KIRREL3: variants seen among roughly 807,000 people sequenced by gnomAD.
The protein encoded by KIRREL3 is kin of IRRE-like protein 3.
Under a neutral mutation model 89.7 loss-of-function variants are expected in KIRREL3, and 36 were observed. The observed-to-expected ratio is 0.40, with a 90% CI of 0.31 to 0.53. The LOEUF (loss-of-function observed/expected upper bound fraction) is 0.53, where lower values mean the gene tolerates loss of function less well. KIRREL3 is among the 20% of genes least tolerant of loss of function. The pLI is 0.49. For missense variants in KIRREL3, 864 were observed against 1,056.6 expected, an observed-to-expected ratio of 0.82 and a Z score of 2.53; for synonymous variants, 445 against 441.4, an observed-to-expected ratio of 1.01 and a Z score of -0.10.
At chr11:126,702,626 C>T (rs1268886809) in intron 1 of KIRREL3, among the ~76,000 whole-genome samples, 4 of 152,222 alleles carry the variant, frequency 2.6e-5, no homozygotes, top group Admixed American at 6.5e-5. Flanking sequence ...AAACACACAG[C>T]GGCTGCTGAA....
At chr11:126,941,757 G>A (rs1467168640) in intron 1 of KIRREL3, among the ~76,000 whole-genome samples, 1 of 152,206 alleles carries the variant, frequency 6.6e-6, no homozygotes, top group African/African-American at 2.4e-5. Flanking sequence ...CCCAAATCAG[G>A]GGCCGTGCCC....
rs190146568 is a variant in KIRREL3, at chr11:126,971,636, C to T, written c.55+28819G>A. 4.6e-5 allele frequency among the ~76,000 whole-genome samples: 7 copies of T among 152,216 alleles called. No homozygotes were observed. In the East Asian group the frequency reaches 5.8e-4, roughly 13 times the overall value. On this transcript the variant is annotated intron_variant, in intron 1 of 16. Transcript: ENST00000525144. ...CACAGAAATGAAAATATCATCAGTC[C>T]GATTCTTCACTTTGGGCCCTATGTA...
chr11:126,424,571 G>T lies in KIRREL3; in HGVS notation c.*9C>A. Reference sequence around the variant, plus strand: ...TCCCTGGCCCGTCCCCACCCGCGGTGTGTGATCCTTAGACGTGAGTCTGCA... The same window carrying T: ...TCCCTGGCCCGTCCCCACCCGCGGTTTGTGATCCTTAGACGTGAGTCTGCA... On this transcript the variant is annotated 3_prime_UTR_variant, in exon 17 of 17. Transcript: ENST00000525144. The T allele has an allele frequency of 1.2e-6, 2 of 1,613,002 alleles. No homozygotes were observed. Among genetic ancestry groups the T allele is most frequent in the South Asian group, 2.2e-5 (2 of 91,046 alleles).
rs1192765120 is a variant in KIRREL3 at position 126,558,803 on chromosome 11, G to A, written c.133+4032C>T. Reference sequence around the variant, plus strand: ...AAAGGGGGAGGGCCAGGAAGGGGAGGTGAAGGTTGTGTGCGTGTGTGCACA... The same window carrying A: ...AAAGGGGGAGGGCCAGGAAGGGGAGATGAAGGTTGTGTGCGTGTGTGCACA... On this transcript the variant is annotated intron_variant, in intron 2 of 16. Coordinates refer to ENST00000525144, the MANE Select transcript of KIRREL3 (RefSeq NM_032531.4). The surrounding 1 kb of genome is among the most constrained non-coding windows in gnomAD (Gnocchi z 4.0). 6.6e-6 allele frequency among the ~76,000 whole-genome samples: 1 copy of A among 151,790 alleles called. No individual in the cohort carries two copies. The highest frequency in any genetic ancestry group is 1.5e-5 in the Non-Finnish European group (1 of 67,876).
At chr11:126,509,895 G>C (rs771225666) in intron 4 of KIRREL3, among the ~76,000 whole-genome samples, 1 of 141,038 alleles carries the variant, frequency 7.1e-6, no homozygotes, top group Admixed American at 7.6e-5. Context: ...AGATTCGCAG[G>C]AGAATCACTT....
At chr11:126,746,504 A>G (rs1200370045) in intron 1 of KIRREL3, among the ~76,000 whole-genome samples, 2 of 152,098 alleles carry the variant, frequency 1.3e-5, no homozygotes, top group African/African-American at 4.8e-5. Flanking sequence ...CTTGCCAGAC[A>G]TCTCTACTAG....
intron 2 of KIRREL3, among the ~76,000 whole-genome samples, chr11:126,547,228 T>G (rs976100532): frequency 6.6e-6 from 1 of 152,238 alleles, no homozygotes; most frequent in African/African-American, 2.4e-5. Flanking sequence ...TGACACATGC[T>G]GCAGGAAAAA....
Position 126,795,936 on chromosome 11 carries a change from G to T in KIRREL3, c.55+204519C>A, listed in dbSNP as rs1950797188. ...AAGGCTCATGCAGGCATTGGGAAAA[G>T]CATGAATCAGAAATGAGAGTACATT... On this transcript the variant is annotated intron_variant, in intron 1 of 16. Transcript: ENST00000525144. This position sits in a 1 kb window ranked among gnomAD's most constrained non-coding sequence, Gnocchi z 4.1. Among the ~76,000 whole-genome samples, 1 of 152,062 alleles carries T rather than the reference G, an allele frequency of 6.6e-6. No individual in the cohort carries two copies. The highest frequency in any genetic ancestry group is 1.5e-5 in the Non-Finnish European group (1 of 68,018).
intron 1 of KIRREL3, among the ~76,000 whole-genome samples, chr11:126,657,838 TTTC>T (rs766660608): frequency 6.6e-6 from 1 of 152,186 alleles, no homozygotes; most frequent in Admixed American, 6.5e-5. Flanking sequence ...TCCCCTTAGT[TTTC>T]AGAGAAATTC....
intron 1 of KIRREL3, chr11:126,935,685 A>G (rs939050577): frequency 1.8e-4 from 28 of 152,370 alleles, no homozygotes; most frequent in African/African-American, 6.5e-4. Flanking sequence ...AGACAACATT[A>G]TAGAAATAAT....
intron 6 of KIRREL3, among the ~76,000 whole-genome samples, chr11:126,461,455 C>G (rs1956538762): frequency 1.3e-5 from 2 of 152,172 alleles, no homozygotes; most frequent in Non-Finnish European, 2.9e-5. Context: ...AGCTCCGCGG[C>G]CCTGGCTGCT....
At chr11:126,547,519 C>T (rs948023347) in intron 2 of KIRREL3, among the ~76,000 whole-genome samples, 14 of 152,150 alleles carry the variant, frequency 9.2e-5, no homozygotes, top group African/African-American at 1.9e-4. Context: ...GGGAGAGGAG[C>T]GTGCAGGGGT....
intron 1 of KIRREL3, among the ~76,000 whole-genome samples, chr11:126,659,162 C>T (rs1441330823): frequency 6.6e-6 from 1 of 152,210 alleles, no homozygotes; most frequent in African/African-American, 2.4e-5. Context: ...TAATAATTAG[C>T]TGCTTTACAT....
intron 1 of KIRREL3, among the ~76,000 whole-genome samples, chr11:126,770,152 GA>G (rs1949973089): frequency 6.6e-6 from 1 of 152,030 alleles, no homozygotes; most frequent in African/African-American, 2.4e-5. Flanking sequence ...AGTTGGGGGG[GA>G]ATTTGGGGGA....
rs746835897 is a variant in KIRREL3 at position 126,870,849 on chromosome 11, C to T, written c.55+129606G>A. On this transcript the variant is annotated intron_variant, in intron 1 of 16. Coordinates refer to ENST00000525144, the MANE Select transcript of KIRREL3 (RefSeq NM_032531.4). This position sits in a 1 kb window ranked among gnomAD's most constrained non-coding sequence, Gnocchi z 4.4. ...CCCCACTTCCAGTGTAGATCTGGGC[C>T]CCTGTACATGTGGCAAGACCTGGAA... Among the ~76,000 whole-genome samples, 1 of 116,458 alleles carries T rather than the reference C, an allele frequency of 8.6e-6. No homozygotes were observed. The highest frequency in any genetic ancestry group is 1.9e-5 in the Non-Finnish European group (1 of 52,908). 76.4% of individuals were successfully genotyped at this position (116,458 alleles called of 152,430 possible).
At chr11:126,775,639 T>C (rs1398673046) in intron 1 of KIRREL3, among the ~76,000 whole-genome samples, 1 of 152,188 alleles carries the variant, frequency 6.6e-6, no homozygotes. Context: ...CGGTGCATAG[T>C]AGGTGCTCAA....
intron 1 of KIRREL3, among the ~76,000 whole-genome samples, chr11:126,681,439 T>C (rs960957436): frequency 6.6e-6 from 1 of 152,192 alleles, no homozygotes; most frequent in Non-Finnish European, 1.5e-5. Context: ...GCTGATGAAA[T>C]ATATGTAAAT....
rs1565403605 is a variant in KIRREL3 at position 126,905,599 on chromosome 11, G to A, written c.55+94856C>T. 6.6e-6 allele frequency among the ~76,000 whole-genome samples: 1 copy of A among 152,144 alleles called. No homozygotes were observed. Among genetic ancestry groups the A allele is most frequent in the Non-Finnish European group, 1.5e-5 (1 of 68,012 alleles). On this transcript the variant is annotated intron_variant, in intron 1 of 16. Coordinates refer to ENST00000525144, the MANE Select transcript of KIRREL3 (RefSeq NM_032531.4). This position sits in a 1 kb window ranked among gnomAD's most constrained non-coding sequence, Gnocchi z 5.0. The stretch of plus-strand genomic sequence containing the variant: ...CCTGTCCCGCTTGTGACCCACAAGA[G>A]CATTGCAAGCCTCATCCTGCACAGT...
Position 126,795,040 on chromosome 11 carries a change from A to C in KIRREL3, c.55+205415T>G, listed in dbSNP as rs1337339429. On this transcript the variant is annotated intron_variant, in intron 1 of 16. Transcript: ENST00000525144. The surrounding 1 kb of genome is among the most constrained non-coding windows in gnomAD (Gnocchi z 4.1). ...CAACTATATAATATTCTGGAAAGGCAGACAAAAGAAAGTTCAGTGTTTGCC... is the reference window on the plus strand; with the variant it reads ...CAACTATATAATATTCTGGAAAGGCCGACAAAAGAAAGTTCAGTGTTTGCC... 2.6e-5 allele frequency among the ~76,000 whole-genome samples: 4 copies of C among 152,240 alleles called. No homozygotes were observed. Among genetic ancestry groups the C allele is most frequent in the Non-Finnish European group, 5.9e-5 (4 of 68,044 alleles).
Sources: gnomAD v4.1 joint callset for allele counts (sites outside exome capture counted in the v4.1 genomes callset) on GRCh38, gnomAD v4.1.1 for gene constraint, Gnocchi (gnomAD v3.1) non-coding constraint, MANE v1.5 for transcripts, NCBI Gene and HGNC (gene_info 2026-07-23, HGNC 2026-07-21) for gene names.